Variants in ARHGAP44 observed in about 807,000 individuals in gnomAD.
ARHGAP44 encodes the protein rho GTPase-activating protein 44.
In ARHGAP44, 43 loss-of-function variants were observed where a neutral mutation model predicts 106.8. That is an observed-to-expected ratio of 0.40 (90% confidence interval 0.32 to 0.52). ARHGAP44 has a LOEUF of 0.52. ARHGAP44 is among the 20% of genes least tolerant of loss of function. The pLI, the probability that ARHGAP44 is intolerant of heterozygous loss-of-function variation, is 0.48. For missense variants in ARHGAP44, 866 were observed against 1,050.5 expected, an observed-to-expected ratio of 0.82 and a Z score of 2.43; for synonymous variants, 439 against 410.3, an observed-to-expected ratio of 1.07 and a Z score of -0.85.
At chr17:12,938,915 A>G (rs2038628289) in intron 7 of ARHGAP44, among the ~76,000 whole-genome samples, 1 of 152,220 alleles carries the variant, frequency 6.6e-6, no homozygotes, top group South Asian at 2.1e-4. Flanking sequence ...TTGTAGGGTC[A>G]TCTGTTAGAG....
Position 12,979,507 on chromosome 17 carries a change from G to A in ARHGAP44, c.1764-551G>A, listed in dbSNP as rs118029915. ...TTTCTGTCCACCCTAGCTTCTGCTG[G>A]AATGGGTATTGAGTTTGAGGATGAG... On this transcript the variant is annotated intron_variant, in intron 18 of 20. Transcript: ENST00000379672. 5.0e-3 allele frequency among the ~76,000 whole-genome samples: 755 copies of A among 152,262 alleles called. 2 individuals carry two copies. Among genetic ancestry groups the A allele is most frequent in the South Asian group, 8.7e-3 (42 of 4,828 alleles).
rs1234482658 is a variant in ARHGAP44, at chr17:12,929,024, C to T, written c.560C>T (p.Ala187Val). ...CTCAGGGAAGAAATGGAAGAGGCTGCCAACAGAGTGGAGATTTGCAGGGTA... is the reference window on the plus strand; with the variant it reads ...CTCAGGGAAGAAATGGAAGAGGCTGTCAACAGAGTGGAGATTTGCAGGGTA... ...DALREEMEEA[A>V]NRVEICRDQL... The change falls in exon 7 of 21, where the codon GCC (alanine) becomes GTC (valine). Residue 187 changes from alanine to valine, a missense_variant. Coordinates refer to ENST00000379672, the MANE Select transcript of ARHGAP44 (RefSeq NM_014859.6). The T allele has an allele frequency of 3.1e-6, 5 of 1,612,576 alleles. No homozygotes were observed. The African/African-American group carries it at 4.0e-5, about 13-fold the overall frequency.
intron 1 of ARHGAP44, among the ~76,000 whole-genome samples, chr17:12,859,715 CAGGA>C (rs1239417873): frequency 6.6e-6 from 1 of 152,086 alleles, no homozygotes; most frequent in African/African-American, 2.4e-5. Flanking sequence ...AAACGATTGC[CAGGA>C]AGGAAGAAGT....
At chr17:12,952,375 A>G (rs2143106261) in intron 12 of ARHGAP44, 126 bp from the exon 13 acceptor site, 1 of 762,630 alleles carries the variant, frequency 1.3e-6, no homozygotes, top group African/African-American at 1.8e-5. Flanking sequence ...ATTTTTAAAT[A>G]CTAGCTTGCT....
intron 1 of ARHGAP44, among the ~76,000 whole-genome samples, chr17:12,796,300 G>A (rs2033918703): frequency 6.6e-6 from 1 of 152,026 alleles, no homozygotes; most frequent in South Asian, 2.1e-4. Context: ...AGGCTATACA[G>A]TATTCCACTG....
rs138291722 is a variant in ARHGAP44 at position 12,889,474 on chromosome 17, A to G, written c.54-5466A>G. 4.3e-4 allele frequency among the ~76,000 whole-genome samples: 66 copies of G among 152,272 alleles called. No individual in the cohort carries two copies. The East Asian group carries it at 0.011, about 25-fold the overall frequency. On this transcript the variant is annotated intron_variant, in intron 1 of 20. Coordinates refer to ENST00000379672, the MANE Select transcript of ARHGAP44 (RefSeq NM_014859.6). Reference sequence around the variant, plus strand: ...TTATAAGAAACCCACATCTGTGACAATGAACCCACTCCCACAATAACAGCA... The same window carrying G: ...TTATAAGAAACCCACATCTGTGACAGTGAACCCACTCCCACAATAACAGCA...
At chr17:12,986,478 G>A (rs1333273218) in intron 20 of ARHGAP44, 1 of 152,430 alleles carries the variant, frequency 6.6e-6, no homozygotes, top group Non-Finnish European at 1.5e-5. Flanking sequence ...ATGAGCAGAA[G>A]ATGGCCAGGC....
intron 3 of ARHGAP44, among the ~76,000 whole-genome samples, chr17:12,906,458 G>A (rs1453874899): frequency 6.6e-6 from 1 of 152,154 alleles, no homozygotes; most frequent in African/African-American, 2.4e-5. Flanking sequence ...CTATAAATTA[G>A]GGGTCCCACA....
chr17:12,973,662 C>T (rs956699621), intron 17 of ARHGAP44: 4 of 479,084 alleles, frequency 8.3e-6, no homozygotes, highest in Non-Finnish European at 1.5e-5. Context: ...CCCTTCGCTG[C>T]CCCTCCCACC....
intron 4 of ARHGAP44, among the ~76,000 whole-genome samples, chr17:12,914,797 A>ACTCTTG (rs2037854510): frequency 1.8e-5 from 2 of 113,638 alleles, no homozygotes; most frequent in Non-Finnish European, 3.9e-5. Context: ...ACTCCATCTC[A>ACTCTTG]AGAAAAAAAA....
At chr17:12,832,485 A>T (rs1413556306) in intron 1 of ARHGAP44, among the ~76,000 whole-genome samples, 1 of 152,156 alleles carries the variant, frequency 6.6e-6, no homozygotes, top group Non-Finnish European at 1.5e-5. Flanking sequence ...TCTTAGCTTC[A>T]TGACTCCTGA....
intron 1 of ARHGAP44, among the ~76,000 whole-genome samples, chr17:12,814,701 A>G (rs1278274222): frequency 6.6e-6 from 1 of 152,262 alleles, no homozygotes; most frequent in African/African-American, 2.4e-5. Flanking sequence ...CTCATATTAC[A>G]TATAGCAAAT....
chr17:12,973,379 G>A, intron 17 of ARHGAP44, 60 bp downstream of exon 17: 1 of 1,553,532 alleles, frequency 6.4e-7, no homozygotes. Context: ...AGCCACCTAT[G>A]CATCGTAGTG....
chr17:12,920,527 A>G (rs1325984722), intron 6 of ARHGAP44, among the ~76,000 whole-genome samples: 1 of 152,142 alleles, frequency 6.6e-6, no homozygotes, highest in Non-Finnish European at 1.5e-5. Flanking sequence ...GCAGCCTTAC[A>G]GAGATCTGGT....
chr17:12,882,075 A>G (rs1439181500), intron 1 of ARHGAP44, among the ~76,000 whole-genome samples: 1 of 152,124 alleles, frequency 6.6e-6, no homozygotes, highest in Non-Finnish European at 1.5e-5. Context: ...TTGAAGCTGC[A>G]TTGCTATGAA....
intron 16 of ARHGAP44, chr17:12,972,986 A>C (rs2039568055): frequency 3.3e-6 from 1 of 304,540 alleles, no homozygotes; most frequent in South Asian, 9.4e-5. Flanking sequence ...GTTTTTTTAA[A>C]AAAAGAAGTG....
At chr17:12,920,811 G>A (rs12600655) in intron 6 of ARHGAP44, among the ~76,000 whole-genome samples, 75,936 of 152,044 alleles carry the variant, frequency 0.5, 21,495 homozygotes, top group Non-Finnish European at 0.62. Flanking sequence ...TACCTGTAGG[G>A]CTGTTCTTCC....
intron 1 of ARHGAP44, among the ~76,000 whole-genome samples, chr17:12,859,358 C>G (rs767279753): frequency 3.3e-5 from 5 of 152,144 alleles, no homozygotes; most frequent in Non-Finnish European, 7.3e-5. Flanking sequence ...GTTATTTAAG[C>G]CACCTAGCAT....
At chr17:12,897,358 T>C (rs1201672644) in intron 3 of ARHGAP44, among the ~76,000 whole-genome samples, 2 of 152,012 alleles carry the variant, frequency 1.3e-5, no homozygotes, top group East Asian at 1.9e-4. Context: ...TGGACTGTCA[T>C]GTAATGTGCC....
Sources: allele counts gnomAD v4.1 joint callset (sites outside exome capture counted in the v4.1 genomes callset), GRCh38; gene constraint gnomAD v4.1.1; transcripts MANE v1.5; gene names NCBI Gene and HGNC (gene_info 2026-07-23, HGNC 2026-07-21).